The following SRPK1 variants were observed in gnomAD, a reference collection of about 807,000 sequenced individuals.
The protein encoded by SRPK1 is SRSF protein kinase 1.
A neutral mutation model predicts 89.5 loss-of-function variants in SRPK1; 52 were observed. The ratio of observed to expected loss-of-function variants is 0.58; its 90% CI spans 0.46 to 0.73. SRPK1 has a LOEUF of 0.73. Among genes scored for constraint, SRPK1 ranks in the 30% least tolerant of loss-of-function variants. SRPK1 has a pLI of 0.00. For synonymous variants in SRPK1, 255 were observed against 270.2 expected, an observed-to-expected ratio of 0.94 and a Z score of 0.55; for missense variants, 603 against 780.6, an observed-to-expected ratio of 0.77 and a Z score of 2.71.
chr6:35,887,738 G>A (rs772133614), intron 5 of SRPK1: 14 of 260,034 alleles, frequency 5.4e-5, no homozygotes, highest in Non-Finnish European at 1.0e-4. Context: ...TATGACAGTA[G>A]CTACCTGGCC....
At chr6:35,906,197 T>C (rs1003862660) in intron 2 of SRPK1, among the ~76,000 whole-genome samples, 83 of 152,078 alleles carry the variant, frequency 5.5e-4, no homozygotes, top group African/African-American at 2.0e-3. Flanking sequence ...GCAATAAAAA[T>C]AACCACACAT....
chr6:35,837,578 G>C (rs557860659), intron 15 of SRPK1, among the ~76,000 whole-genome samples: 1 of 151,260 alleles, frequency 6.6e-6, no homozygotes, highest in Non-Finnish European at 1.5e-5. Context: ...TTTTCCCCGA[G>C]ACAGGATCTT....
Position 35,835,188 on chromosome 6 carries a change from C to A in SRPK1, c.*116G>T. ...TGAACATGTTGGATTAAAAAAAAAA[C>A]AAGATCTAGAAACTCTTGAAGGAAG... On this transcript the variant is annotated 3_prime_UTR_variant, in exon 16 of 16. Transcript: ENST00000373825. 7 of 931,626 alleles carry A rather than the reference C, an allele frequency of 7.5e-6. No homozygotes were observed. The highest frequency in any genetic ancestry group is 4.7e-5 in the South Asian group (2 of 42,706). The allele number at this position is 931,626 out of a possible 1,614,324, so 57.7% of individuals were successfully genotyped here. A position where few individuals can be genotyped will look rare whatever the true frequency, so the allele number is the denominator to read the frequency against.
At chr6:35,914,445 A>G (rs1220449383) in intron 2 of SRPK1, among the ~76,000 whole-genome samples, 2 of 152,206 alleles carry the variant, frequency 1.3e-5, no homozygotes, top group Non-Finnish European at 2.9e-5. Context: ...CAGGAGATAC[A>G]AGAACACTCC....
At chr6:35,894,166 TA>T (rs1369952835) in intron 2 of SRPK1, among the ~76,000 whole-genome samples, 1 of 152,022 alleles carries the variant, frequency 6.6e-6, no homozygotes, top group Non-Finnish European at 1.5e-5. Context: ...GAGACCAAGA[TA>T]AGCAATTGGA....
At chr6:35,894,048 T>C (rs1770580062) in intron 2 of SRPK1, among the ~76,000 whole-genome samples, 2 of 151,898 alleles carry the variant, frequency 1.3e-5, no homozygotes, top group African/African-American at 4.8e-5. Flanking sequence ...GAAAAAGCCT[T>C]GCTAGGGACG....
In SRPK1 at chr6:35,921,044, C is replaced by T. The variant is rs1300053976; in HGVS notation, c.13G>A (p.Val5Met). The T allele has an allele frequency of 7.8e-6, 12 of 1,546,554 alleles. No homozygotes were observed. Among genetic ancestry groups the T allele is most frequent in the Non-Finnish European group, 1.0e-5 (12 of 1,148,996 alleles). The change falls in exon 1 of 16, where the codon GTG becomes ATG. Residue 5 changes from valine to methionine, a missense_variant and splice_region_variant. Coordinates refer to ENST00000373825, the MANE Select transcript of SRPK1 (RefSeq NM_003137.5). The part of the protein sequence containing the change: MERK[V>M]LALQARKKRT... ...TGGCGGAGGCCGCTCCACCGCTCAC[C>T]TTTCCGCTCCATGGTGAGACCGGTA...
At chr6:35,885,298 C>CACACACAGAGAGAGAGAGAGAG (rs1276672274) in intron 6 of SRPK1, among the ~76,000 whole-genome samples, 2 of 113,186 alleles carry the variant, frequency 1.8e-5, no homozygotes, top group African/African-American at 7.3e-5. Flanking sequence ...CACACACACA[C>CACACACAGAGAGAGAGAGAGAG]AGAGAGAGAG....
chr6:35,870,980 A>G, intron 8 of SRPK1, 21 bp from the exon 9 acceptor site: 1 of 1,605,222 alleles, frequency 6.2e-7, no homozygotes, highest in South Asian at 1.1e-5. Flanking sequence ...AAGAAAACCA[A>G]GTAAGAATTC....
At chr6:35,840,150 T>C (rs1581987888) in intron 14 of SRPK1, among the ~76,000 whole-genome samples, 1 of 152,204 alleles carries the variant, frequency 6.6e-6, no homozygotes, top group South Asian at 2.1e-4. Context: ...AATACTTTTA[T>C]CGTGTAGTTA....
intron 12 of SRPK1, among the ~76,000 whole-genome samples, chr6:35,862,661 A>G (rs1349612938): frequency 6.6e-6 from 1 of 152,202 alleles, no homozygotes. Context: ...TTGTCCAGCA[A>G]CAGATCCCAA....
chr6:35,879,058 T>C (rs1480879188), intron 6 of SRPK1, among the ~76,000 whole-genome samples: 3 of 152,016 alleles, frequency 2.0e-5, no homozygotes, highest in Non-Finnish European at 2.9e-5. Context: ...GCCACTGCAC[T>C]CTAGCCTGTG....
At chr6:35,911,186 T>C (rs988587530) in intron 2 of SRPK1, among the ~76,000 whole-genome samples, 1 of 152,198 alleles carries the variant, frequency 6.6e-6, no homozygotes, top group Non-Finnish European at 1.5e-5. Context: ...TATATGCCAT[T>C]AAGAACAGTC....
At chr6:35,885,375 A>T (rs1034749065) in intron 6 of SRPK1, among the ~76,000 whole-genome samples, 1 of 151,672 alleles carries the variant, frequency 6.6e-6, no homozygotes. Flanking sequence ...CTGTTTTAAG[A>T]TGGTTGCAGC....
chr6:35,920,384 G>A, intron 2 of SRPK1, 84 bp downstream of exon 2: 2 of 1,510,954 alleles, frequency 1.3e-6, no homozygotes, highest in Non-Finnish European at 1.8e-6. Flanking sequence ...GCCCAAACCC[G>A]GTGCACGTTC....
intron 12 of SRPK1, among the ~76,000 whole-genome samples, chr6:35,862,692 T>G (rs896236600): frequency 7.9e-5 from 12 of 152,070 alleles, no homozygotes. Flanking sequence ...TTCCTTGAAA[T>G]GCCAAATAAA....
intron 13 of SRPK1, among the ~76,000 whole-genome samples, chr6:35,856,459 G>A (rs1769668492): frequency 6.6e-6 from 1 of 152,192 alleles, no homozygotes; most frequent in East Asian, 1.9e-4. Context: ...TGTGGTTAGT[G>A]TCTGAAGTGA....
chr6:35,853,952 CT>C (rs1170375983), intron 13 of SRPK1, among the ~76,000 whole-genome samples: 1 of 151,152 alleles, frequency 6.6e-6, no homozygotes, highest in Non-Finnish European at 1.5e-5. Context: ...CCCTTTCCCC[CT>C]TTTTTTTGTT....
At chr6:35,852,744 T>C (rs989897986) in intron 13 of SRPK1, among the ~76,000 whole-genome samples, 1 of 152,214 alleles carries the variant, frequency 6.6e-6, no homozygotes, top group Admixed American at 6.5e-5. Flanking sequence ...AGGATTTTAG[T>C]AGCCTTAAGA....
Sources: gnomAD v4.1 joint callset for allele counts (sites outside exome capture counted in the v4.1 genomes callset) on GRCh38, gnomAD v4.1.1 for gene constraint, MANE v1.5 for transcripts, NCBI Gene and HGNC (gene_info 2026-07-23, HGNC 2026-07-21) for gene names.